Variants in NPFFR2 observed in about 807,000 individuals in gnomAD.
NPFFR2 encodes the protein G-protein coupled receptor 74.
NPFFR2 carries 15 observed loss-of-function variants against 13.1 expected under a neutral mutation model. The ratio of observed to expected loss-of-function variants is 1.15; its 90% confidence interval spans 0.77 to 1.76. The LOEUF (loss-of-function observed/expected upper bound fraction) is 1.76. Ranked by LOEUF, NPFFR2 falls within the 40% of genes most tolerant of loss-of-function variation. The probability of loss-of-function intolerance (pLI) is 0.00; values close to 1 mark genes in which losing one functional copy is unlikely to be tolerated. For synonymous variants in NPFFR2, 190 were observed against 175.7 expected (o/e 1.08, Z -0.65); for missense variants, 572 against 503.5 (o/e 1.14, Z -1.30).
chr4:72,129,197 G>A (rs1722161047), intron 2 of NPFFR2, among the ~76,000 whole-genome samples: 2 of 152,120 alleles, frequency 1.3e-5, no homozygotes, highest in Admixed American at 1.3e-4. Flanking sequence ...ATTCACTGGA[G>A]GTCATGAGAA....
At chr4:72,061,768 C>G (rs536061551) in intron 1 of NPFFR2, among the ~76,000 whole-genome samples, 2 of 152,062 alleles carry the variant, frequency 1.3e-5, no homozygotes, top group East Asian at 3.9e-4. Flanking sequence ...AAACATCACA[C>G]ACTGGGGCCT....
At chr4:72,048,832 G>C (rs563905057) in intron 1 of NPFFR2, among the ~76,000 whole-genome samples, 1 of 151,606 alleles carries the variant, frequency 6.6e-6, no homozygotes. Flanking sequence ...AATCTTTTTC[G>C]TAATTTCACA....
Position 72,147,262 on chromosome 4 carries a change from T to A in NPFFR2, c.713T>A (p.Met238Lys). The A allele has an allele frequency of 6.2e-7, 1 of 1,614,162 alleles. No homozygotes were observed. The highest frequency in any genetic ancestry group is 1.1e-5 in the South Asian group (1 of 91,082). Residue 238 changes from methionine to lysine, a missense_variant, in exon 4 of 4, where the codon ATG becomes AAG. By Grantham distance (95) the Met-to-Lys change is moderately conservative. Coordinates refer to ENST00000308744, the MANE Select transcript of NPFFR2 (RefSeq NM_004885.3). ...YLAPLSLIVI[M>K]YGRIGISLFR... ...GCTCCCCTCTCCCTCATTGTCATCA[T>A]GTATGGAAGGATTGGAATTTCACTC...
chr4:72,090,197 C>A lies in NPFFR2; in HGVS notation c.-7-38388C>A, dbSNP rs184912299. On this transcript the variant is annotated intron_variant, in intron 1 of 3. Coordinates refer to ENST00000308744, the MANE Select transcript of NPFFR2 (RefSeq NM_004885.3). ...CATTGGTCTATTGCCTGTCTTTATA[C>A]AAGTACCATGCTGTTGTGGTGACTA... Among the ~76,000 whole-genome samples, 310 of 152,192 alleles carry A rather than the reference C, an allele frequency of 2.0e-3. 10 individuals carry two copies. Among genetic ancestry groups the A allele is most frequent in the Admixed American group, 0.016 (248 of 15,254 alleles).
chr4:72,083,614 A>G (rs1292546373), intron 1 of NPFFR2, among the ~76,000 whole-genome samples: 5 of 152,078 alleles, frequency 3.3e-5, no homozygotes, highest in Admixed American at 6.6e-5. Flanking sequence ...TCCTCTGCCT[A>G]AACTCTAAAT....
intron 1 of NPFFR2, among the ~76,000 whole-genome samples, chr4:72,100,740 T>A (rs1260856979): frequency 6.6e-6 from 1 of 152,028 alleles, no homozygotes; most frequent in Non-Finnish European, 1.5e-5. Flanking sequence ...TTGACAAGTA[T>A]AACAAAATAT....
In NPFFR2 at chr4:72,147,482, C is replaced by G. The variant is rs757211295; in HGVS notation, c.933C>G (p.Asn311Lys). The change falls in exon 4 of 4, where the codon AAC becomes AAG. Residue 311 changes from asparagine to lysine, a missense_variant. By Grantham distance (94) the Asn-to-Lys change is moderately conservative. Coordinates refer to ENST00000308744, the MANE Select transcript of NPFFR2 (RefSeq NM_004885.3). ...CTCCAAATGAACTGCAGATCATCAA[C>G]ATCTACATCTACCCTTTTGCACACT... ...DLSPNELQII[N>K]IYIYPFAHWL... 5.6e-6 allele frequency: 9 copies of G among 1,614,200 alleles called. No homozygotes were observed. The highest frequency in any genetic ancestry group is 7.6e-6 in the Non-Finnish European group (9 of 1,180,014).
intron 1 of NPFFR2, among the ~76,000 whole-genome samples, chr4:72,126,913 T>C (rs1722060149): frequency 6.6e-6 from 1 of 152,182 alleles, no homozygotes; most frequent in African/African-American, 2.4e-5. Context: ...TCCTTCACTT[T>C]AATAAATATT....
intron 1 of NPFFR2, among the ~76,000 whole-genome samples, chr4:72,112,959 C>A (rs566343327): frequency 6.6e-6 from 1 of 152,034 alleles, no homozygotes; most frequent in East Asian, 1.9e-4. Context: ...ACTTACATAG[C>A]TCTAAAATTA....
intron 2 of NPFFR2, among the ~76,000 whole-genome samples, chr4:72,131,520 G>A (rs13127216): frequency 6.6e-6 from 1 of 151,552 alleles, no homozygotes; most frequent in African/African-American, 2.4e-5. Flanking sequence ...TGGGTGCAGC[G>A]CACCAGCATG....
intron 1 of NPFFR2, among the ~76,000 whole-genome samples, chr4:72,042,508 G>A (rs1024572811): frequency 1.2e-4 from 19 of 152,164 alleles, no homozygotes; most frequent in Admixed American, 1.3e-4. Flanking sequence ...TAAGAAATGT[G>A]GGAAAGTTTG....
At chr4:72,111,520 G>T (rs1367002260) in intron 1 of NPFFR2, among the ~76,000 whole-genome samples, 1 of 151,980 alleles carries the variant, frequency 6.6e-6, no homozygotes, top group Non-Finnish European at 1.5e-5. Context: ...GGACTGGCCA[G>T]ACAGCTCTGT....
chr4:72,097,994 T>C (rs1467945437), intron 1 of NPFFR2, among the ~76,000 whole-genome samples: 1 of 152,120 alleles, frequency 6.6e-6, no homozygotes, highest in East Asian at 1.9e-4. Flanking sequence ...TCTATCTTAA[T>C]CCCATTATAT....
Position 72,128,864 on chromosome 4 carries a change from T to G in NPFFR2, c.273T>G (p.Asp91Glu). Reference protein sequence around the residue: ...NLFILNLAISDLLVGIFCMPI... With the variant: ...NLFILNLAISELLVGIFCMPI... ...TCATCTTAAACCTGGCCATAAGTGA[T>G]TTACTAGTTGGCATATTCTGCATGC... Residue 91 changes from aspartate (D) to glutamate (E), a missense_variant, in exon 2 of 4, where the codon GAT becomes GAG. Coordinates refer to ENST00000308744, the MANE Select transcript of NPFFR2 (RefSeq NM_004885.3). The G allele has an allele frequency of 6.2e-7, 1 of 1,614,046 alleles. No individual in the cohort carries two copies. Among genetic ancestry groups the G allele is most frequent in the Non-Finnish European group, 8.5e-7 (1 of 1,179,964 alleles).
chr4:72,050,276 A>G (rs1342494253), intron 1 of NPFFR2, among the ~76,000 whole-genome samples: 3 of 152,032 alleles, frequency 2.0e-5, no homozygotes. Context: ...ACCAGAAGAC[A>G]GGGTACTATA....
intron 1 of NPFFR2, among the ~76,000 whole-genome samples, chr4:72,081,268 A>G (rs1364350840): frequency 1.3e-5 from 2 of 152,300 alleles, no homozygotes; most frequent in East Asian, 3.9e-4. Flanking sequence ...GCTTTCTGCT[A>G]TACAACAGAA....
chr4:72,131,449 G>T (rs996445449), intron 2 of NPFFR2, among the ~76,000 whole-genome samples: 1 of 118,692 alleles, frequency 8.4e-6, no homozygotes, highest in Non-Finnish European at 1.7e-5. Context: ...ACTGTTGTGG[G>T]GTGGGGGGAG....
intron 1 of NPFFR2, among the ~76,000 whole-genome samples, chr4:72,108,235 T>A (rs1420174655): frequency 6.6e-6 from 1 of 152,032 alleles, no homozygotes; most frequent in African/African-American, 2.4e-5. Flanking sequence ...TAAATTCATA[T>A]GTTCTGTATT....
At chr4:72,070,089 A>T (rs573086725) in intron 1 of NPFFR2, among the ~76,000 whole-genome samples, 2 of 152,202 alleles carry the variant, frequency 1.3e-5, no homozygotes, top group East Asian at 1.9e-4. Context: ...TTAGTAATTT[A>T]CTCAAGGTCT....
Sources: allele counts gnomAD v4.1 joint callset (sites outside exome capture counted in the v4.1 genomes callset), GRCh38; gene constraint gnomAD v4.1.1; transcripts MANE v1.5; gene names NCBI Gene and HGNC (gene_info 2026-07-23, HGNC 2026-07-21).